WNT7B: variants seen among roughly 807,000 people sequenced by gnomAD.
The protein encoded by WNT7B is protein Wnt-7b.
In WNT7B, 19 loss-of-function variants were observed where a neutral mutation model predicts 38.2. The observed-to-expected ratio is 0.50, with a 90% CI of 0.35 to 0.73. WNT7B has a LOEUF of 0.73. Ranked by LOEUF, WNT7B falls within the 30% of genes least tolerant of loss-of-function variation. The probability of loss-of-function intolerance (pLI) is 0.01; values close to 1 mark genes in which losing one functional copy is unlikely to be tolerated. For missense variants in WNT7B, 423 were observed against 507.9 expected (o/e 0.83, Z 1.61); for synonymous variants, 243 against 209.3 (o/e 1.16, Z -1.39).
At chr22:45,962,033 C>T (rs1363115153) in intron 1 of WNT7B, among the ~76,000 whole-genome samples, 1 of 152,210 alleles carries the variant, frequency 6.6e-6, no homozygotes, top group Non-Finnish European at 1.5e-5. Flanking sequence ...GCAGAGCGTC[C>T]GCTTGCTCCC....
At chr22:45,928,535 C>A (rs1195556615) in intron 3 of WNT7B, among the ~76,000 whole-genome samples, 2 of 152,148 alleles carry the variant, frequency 1.3e-5, no homozygotes, top group South Asian at 4.1e-4. Flanking sequence ...GAGAATTGGC[C>A]ACTGGCGGCA....
intron 1 of WNT7B, among the ~76,000 whole-genome samples, chr22:45,969,305 C>T (rs1352095262): frequency 6.6e-6 from 1 of 152,232 alleles, no homozygotes; most frequent in Non-Finnish European, 1.5e-5. Flanking sequence ...AGGCTCCTAC[C>T]GGAAGACCTG....
intron 2 of WNT7B, chr22:45,935,729 A>G (rs1430899514): frequency 1.2e-6 from 1 of 842,650 alleles, no homozygotes; most frequent in Admixed American, 6.2e-5. Flanking sequence ...ACACCACCTT[A>G]TCTCCAAGAC....
At chr22:45,959,275 C>T (rs1932141865) in intron 1 of WNT7B, among the ~76,000 whole-genome samples, 2 of 152,168 alleles carry the variant, frequency 1.3e-5, no homozygotes, top group South Asian at 2.1e-4. Context: ...TGGGCTGTCC[C>T]CTTGTCACTC....
At chr22:45,944,520 A>T (rs1931749030) in intron 2 of WNT7B, among the ~76,000 whole-genome samples, 1 of 152,230 alleles carries the variant, frequency 6.6e-6, no homozygotes, top group East Asian at 1.9e-4. Context: ...TTGTCCGTAC[A>T]GTCCTGGCTG....
rs370224093 is a variant in WNT7B at position 45,922,839 on chromosome 22, C to T, written c.*17G>A. On this transcript the variant is annotated 3_prime_UTR_variant, in exon 4 of 4. Transcript: ENST00000339464. ...CGCCGGGTTCCAGGGTGCCCGCGGC[C>T]GCCTCCGGGCCTGGCCTCACTTGCA... 107 of 1,580,818 alleles carry T rather than the reference C, an allele frequency of 6.8e-5. No homozygotes were observed. In the African/African-American group the frequency reaches 9.7e-4, roughly 14 times the overall value.
intron 1 of WNT7B, among the ~76,000 whole-genome samples, chr22:45,971,810 G>T (rs568755420): frequency 5.9e-5 from 9 of 152,232 alleles, no homozygotes; most frequent in Admixed American, 1.3e-4. Flanking sequence ...GCTGGTCCAG[G>T]ACTCTGCTGG....
intron 2 of WNT7B, among the ~76,000 whole-genome samples, 166 bp from the exon 3 acceptor site, chr22:45,931,535 G>A (rs949292872): frequency 6.6e-6 from 1 of 152,176 alleles, no homozygotes; most frequent in Non-Finnish European, 1.5e-5. Context: ...GGGGCTGATG[G>A]GAGCCATCTC....
At chr22:45,925,727 AG>A in intron 3 of WNT7B, 1 of 985,360 alleles carries the variant, frequency 1.0e-6, no homozygotes, top group African/African-American at 1.7e-5. Flanking sequence ...GATGCTCCCC[AG>A]GCCAGGCGCC....
At chr22:45,949,082 C>T (rs1237877280) in intron 2 of WNT7B, among the ~76,000 whole-genome samples, 18 of 152,062 alleles carry the variant, frequency 1.2e-4, no homozygotes, top group African/African-American at 3.4e-4. Flanking sequence ...CCACCCCCCT[C>T]GTCCTCCCAA....
chr22:45,938,285 G>A (rs565056689), intron 2 of WNT7B, among the ~76,000 whole-genome samples: 17 of 152,266 alleles, frequency 1.1e-4, no homozygotes, highest in Admixed American at 7.9e-4. Context: ...GTAGAGAGTG[G>A]AATGACAGAC....
intron 3 of WNT7B, chr22:45,926,719 C>A: frequency 1.0e-6 from 1 of 985,422 alleles, no homozygotes; most frequent in South Asian, 4.7e-5. Context: ...TGGCCCTGAC[C>A]TGTGAGCCCC....
intron 1 of WNT7B, among the ~76,000 whole-genome samples, chr22:45,969,986 G>C (rs894741566): frequency 6.6e-6 from 1 of 152,182 alleles, no homozygotes; most frequent in Non-Finnish European, 1.5e-5. Flanking sequence ...TGCAGCCATC[G>C]GGTCAGAGAC....
At chr22:45,969,886 C>T (rs1211353259) in intron 1 of WNT7B, among the ~76,000 whole-genome samples, 1 of 152,228 alleles carries the variant, frequency 6.6e-6, no homozygotes, top group Non-Finnish European at 1.5e-5. Flanking sequence ...CCAATGCCAT[C>T]GAGTGCGCCT....
chr22:45,959,848 G>A (rs944798416), intron 1 of WNT7B, among the ~76,000 whole-genome samples: 8 of 152,142 alleles, frequency 5.3e-5, no homozygotes, highest in Non-Finnish European at 8.8e-5. Flanking sequence ...GCAGCTCTCC[G>A]TGGGGGAGAC....
chr22:45,935,450 C>T (rs999620209), intron 2 of WNT7B, among the ~76,000 whole-genome samples: 19 of 152,206 alleles, frequency 1.2e-4, no homozygotes, highest in Non-Finnish European at 2.2e-4. Context: ...GGCTTCCTGC[C>T]GCCTGCCCTG....
intron 2 of WNT7B, 91 bp from the exon 3 acceptor site, chr22:45,931,460 T>A (rs1329151168): frequency 5.0e-6 from 7 of 1,400,496 alleles, no homozygotes; most frequent in Non-Finnish European, 6.6e-6. Context: ...ATCCACCTGC[T>A]GTTGGCTGGT....
At position 45,976,988 on chromosome 22, in the gene WNT7B, G is replaced by A. The variant is rs1932566432; in HGVS notation, c.-234C>T. 2 of 986,668 alleles carry A rather than the reference G, an allele frequency of 2.0e-6. No individual in the cohort carries two copies. The highest frequency in any genetic ancestry group is 1.2e-6 in the Non-Finnish European group (1 of 831,244). 61.1% of individuals were successfully genotyped at this position (986,668 alleles called of 1,614,324 possible). On this transcript the variant is annotated 5_prime_UTR_variant, in exon 1 of 4. Coordinates refer to ENST00000339464, the MANE Select transcript of WNT7B (RefSeq NM_058238.3). The surrounding 1 kb of genome is among the most constrained non-coding windows in gnomAD (Gnocchi z 8.5). ...GGAATTGACCCAGGCTGGGGGCCGC[G>A]ACCTCGAAGCCCGGTTGAGCGACCG...
chr22:45,962,157 G>A (rs1042721766), intron 1 of WNT7B, among the ~76,000 whole-genome samples: 1 of 152,002 alleles, frequency 6.6e-6, no homozygotes, highest in Admixed American at 6.5e-5. Context: ...GAAAAAGCTG[G>A]TGAAGAGCTG....
Sources: allele counts gnomAD v4.1 joint callset (sites outside exome capture counted in the v4.1 genomes callset), GRCh38; gene constraint gnomAD v4.1.1; non-coding constraint Gnocchi (gnomAD v3.1); transcripts MANE v1.5; gene names NCBI Gene and HGNC (gene_info 2026-07-23, HGNC 2026-07-21).